The following CTF1 variants were observed in gnomAD, a reference collection of about 807,000 sequenced individuals.
CTF1 encodes cardiotrophin-1.
Under a neutral mutation model 10.9 loss-of-function variants are expected in CTF1, and 9 were observed. That is an observed-to-expected ratio of 0.83 (90% CI 0.50 to 1.44). The LOEUF (loss-of-function observed/expected upper bound fraction) is 1.44, where lower values mean the gene tolerates loss of function less well. Among genes scored for constraint, CTF1 ranks in the 40% most tolerant of loss-of-function variants. The probability of loss-of-function intolerance (pLI) is 0.00; values close to 1 mark genes in which losing one functional copy is unlikely to be tolerated. For synonymous variants in CTF1, 133 were observed against 138.8 expected, an observed-to-expected ratio of 0.96 and a Z score of 0.29; for missense variants, 259 against 275.3, an observed-to-expected ratio of 0.94 and a Z score of 0.42.
chr16:30,902,672 T>C lies in CTF1; in HGVS notation c.*133T>C. ...TCTCCATTGCCTCGGCCTTCTTTGC[T>C]TTTTGTGGGGGAGAGGGGAGGGGAC... On this transcript the variant is annotated 3_prime_UTR_variant, in exon 3 of 3. Transcript: ENST00000279804. 1 of 1,280,044 alleles carries C rather than the reference T, an allele frequency of 7.8e-7. No homozygotes were observed. Among genetic ancestry groups the C allele is most frequent in the Non-Finnish European group, 1.0e-6 (1 of 1,000,010 alleles). The allele number at this position is 1,280,044 out of a possible 1,614,324, so 79.3% of individuals were successfully genotyped here.
chr16:30,896,632 C>T lies in CTF1; in HGVS notation c.-12C>T. ...GGGGCGTGAAGGGAGCCGGGATCAG[C>T]CAGGGGCCAGCATGAGCCGGAGGGA... On this transcript the variant is annotated 5_prime_UTR_variant, in exon 1 of 3. Coordinates refer to ENST00000279804, the MANE Select transcript of CTF1 (RefSeq NM_001330.5). 2 of 1,252,914 alleles carry T rather than the reference C, an allele frequency of 1.6e-6. No homozygotes were observed. Among genetic ancestry groups the T allele is most frequent in the Non-Finnish European group, 2.0e-6 (2 of 990,174 alleles). 77.6% of individuals were successfully genotyped at this position (1,252,914 alleles called of 1,614,324 possible). A position where few individuals can be genotyped will look rare whatever the true frequency, so the allele number is the denominator to read the frequency against.
chr16:30,902,006 T>A, intron 2 of CTF1, 72 bp from the exon 3 acceptor site: 1 of 1,298,330 alleles, frequency 7.7e-7, no homozygotes, highest in Non-Finnish European at 9.9e-7. Context: ...AGAGAGCGGG[T>A]TGGAGAGCCC....
chr16:30,897,478 A>C (rs1326219756), intron 1 of CTF1, among the ~76,000 whole-genome samples: 1 of 152,206 alleles, frequency 6.6e-6, no homozygotes, highest in Non-Finnish European at 1.5e-5. Flanking sequence ...AGCCGTTAAA[A>C]GAGCTACCCT....
At position 30,902,812 on chromosome 16, in the gene CTF1, A is replaced by G; in HGVS notation, c.*273A>G. ...CTCAGCTTCCCCAGCAGCTGGGACTACAGGCACGCGCCACCACAGCCGGCT... is the reference window on the plus strand; with the variant it reads ...CTCAGCTTCCCCAGCAGCTGGGACTGCAGGCACGCGCCACCACAGCCGGCT... On this transcript the variant is annotated 3_prime_UTR_variant, in exon 3 of 3. Transcript: ENST00000279804. The G allele has an allele frequency of 3.1e-6, 1 of 325,502 alleles. No individual in the cohort carries two copies. Among genetic ancestry groups the G allele is most frequent in the Non-Finnish European group, 5.5e-6 (1 of 181,004 alleles). 20.2% of individuals were successfully genotyped at this position (325,502 alleles called of 1,614,324 possible).
Position 30,902,107 on chromosome 16 carries a change from G to A in CTF1, c.174G>A (p.Leu58=), listed in dbSNP as rs1269652445. The A allele has an allele frequency of 1.0e-4, 147 of 1,418,856 alleles. No homozygotes were observed. The highest frequency in any genetic ancestry group is 1.3e-4 in the Non-Finnish European group (144 of 1,083,272). The allele number at this position is 1,418,856 out of a possible 1,614,324, so 87.9% of individuals were successfully genotyped here. A position where few individuals can be genotyped will look rare whatever the true frequency, so the allele number is the denominator to read the frequency against. Residue 58 remains leucine (L), a synonymous_variant, in exon 3 of 3, where the codon CTG becomes CTA. Coordinates refer to ENST00000279804, the MANE Select transcript of CTF1 (RefSeq NM_001330.5). ...AGCTCCAGGGAGACCCCTTCGGGCTGCCCAGCTTCTCGCCGCCGCGGCTGC... is the reference window on the plus strand; with the variant it reads ...AGCTCCAGGGAGACCCCTTCGGGCTACCCAGCTTCTCGCCGCCGCGGCTGC... The part of the protein sequence containing the change: ...YVQLQGDPFG[L]PSFSPPRLPV...
intron 2 of CTF1, 32 bp downstream of exon 2, chr16:30,899,565 G>GC: frequency 6.5e-6 from 6 of 919,094 alleles, no homozygotes; most frequent in Non-Finnish European, 6.9e-6. Flanking sequence ...GGTGCCGGGG[G>GC]CCTGGGGAAT....
intron 1 of CTF1, among the ~76,000 whole-genome samples, chr16:30,897,758 G>A (rs2055366484): frequency 6.6e-6 from 1 of 152,138 alleles, no homozygotes; most frequent in African/African-American, 2.4e-5. Context: ...AGGAGACCCA[G>A]GCGGGAGGAT....
Position 30,902,425 on chromosome 16 carries a change from CA to C in CTF1, c.493del (p.Thr165ProfsTer21). The C allele has an allele frequency of 7.1e-7, 1 of 1,400,752 alleles. No homozygotes were observed. The highest frequency in any genetic ancestry group is 1.5e-5 in the South Asian group (1 of 68,756). 86.8% of individuals were successfully genotyped at this position (1,400,752 alleles called of 1,614,324 possible). A position where few individuals can be genotyped will look rare whatever the true frequency, so the allele number is the denominator to read the frequency against. On this transcript the variant is annotated frameshift_variant, in exon 3 of 3. Coordinates refer to ENST00000279804, the MANE Select transcript of CTF1 (RefSeq NM_001330.5). LOFTEE classifies it high-confidence loss of function. ...CCGCCACCGCCTCAGCCGCCTCCGC[CA>C]CCGGGGTCTTCCCCGCCAAGGTGCT... ...PAATASAASA[T>X]GVFPAKVLGL... is the part of the protein sequence containing the mutation.
rs1016566093 is a variant in CTF1, at chr16:30,899,589, A to G, written c.144+56A>G. ...GGCCTGGGGAATGGGAGCAGACATC[A>G]CAGAGGTCCTCGATCACCCATTCTC... On this transcript the variant is annotated intron_variant, in intron 2 of 2. Transcript: ENST00000279804. The G allele has an allele frequency of 3.9e-6, 4 of 1,016,288 alleles. No individual in the cohort carries two copies. In the Admixed American group the frequency reaches 5.9e-5, roughly 15 times the overall value. 63.0% of individuals were successfully genotyped at this position (1,016,288 alleles called of 1,614,324 possible). A position where few individuals can be genotyped will look rare whatever the true frequency, so the allele number is the denominator to read the frequency against.
chr16:30,897,370 A>G (rs2055362148), intron 1 of CTF1, among the ~76,000 whole-genome samples: 2 of 152,250 alleles, frequency 1.3e-5, no homozygotes, highest in East Asian at 1.9e-4. Context: ...GAAGTTCTGT[A>G]CTTCGATGAT....
Position 30,902,126 on chromosome 16 carries a change from C to T in CTF1, c.193C>T (p.Arg65Trp). 5 of 1,412,128 alleles carry T rather than the reference C, an allele frequency of 3.5e-6. No individual in the cohort carries two copies. The highest frequency in any genetic ancestry group is 4.6e-6 in the Non-Finnish European group (5 of 1,079,510). 87.5% of individuals were successfully genotyped at this position (1,412,128 alleles called of 1,614,324 possible). A position where few individuals can be genotyped will look rare whatever the true frequency, so the allele number is the denominator to read the frequency against. The change falls in exon 3 of 3, where the codon CGG (arginine) becomes TGG (tryptophan). Residue 65 changes from arginine to tryptophan, a missense_variant. Coordinates refer to ENST00000279804, the MANE Select transcript of CTF1 (RefSeq NM_001330.5). ...PFGLPSFSPP[R>W]LPVAGLSAPA... is the part of the protein sequence containing the mutation. ...CGGGCTGCCCAGCTTCTCGCCGCCG[C>T]GGCTGCCGGTGGCCGGCCTGAGCGC...
intron 2 of CTF1, among the ~76,000 whole-genome samples, chr16:30,901,224 G>A (rs1378017837): frequency 6.6e-6 from 1 of 152,106 alleles, no homozygotes; most frequent in Non-Finnish European, 1.5e-5. Context: ...TCATTCATAT[G>A]ATGTTGATTC....
intron 2 of CTF1, 68 bp downstream of exon 2, chr16:30,899,601 G>A (rs905872726): frequency 1.1e-4 from 100 of 923,746 alleles, no homozygotes; most frequent in African/African-American, 4.1e-4. Context: ...AGAGGTCCTC[G>A]ATCACCCATT....
At chr16:30,902,044 G>A in intron 2 of CTF1, 34 bp from the exon 3 acceptor site, 1 of 1,433,646 alleles carries the variant, frequency 7.0e-7, no homozygotes, top group Non-Finnish European at 9.2e-7. Flanking sequence ...CCGTGCTCCG[G>A]GGCCCCGCTG....
At chr16:30,899,656 G>A (rs866844984) in intron 2 of CTF1, 123 bp downstream of exon 2, 2 of 658,820 alleles carry the variant, frequency 3.0e-6, no homozygotes, top group South Asian at 1.9e-5. Context: ...GCTCCTGAGA[G>A]GGACAGCAAC....
In CTF1 at chr16:30,902,582, G is replaced by T. The variant is rs1259362467; in HGVS notation, c.*43G>T. ...GCCCCGCCTCCTCCCGCTGGGTTCC[G>T]TCTCTCCTTCCGCTTCTTTGTCTTT... On this transcript the variant is annotated 3_prime_UTR_variant, in exon 3 of 3. Transcript: ENST00000279804. 3 of 1,481,040 alleles carry T rather than the reference G, an allele frequency of 2.0e-6. No individual in the cohort carries two copies. The highest frequency in any genetic ancestry group is 2.8e-5 in the East Asian group (1 of 35,804). The allele number at this position is 1,481,040 out of a possible 1,614,324, so 91.7% of individuals were successfully genotyped here.
At position 30,902,402 on chromosome 16, in the gene CTF1, G is replaced by A. The variant is rs876657768; in HGVS notation, c.469G>A (p.Ala157Thr). Reference sequence around the variant, plus strand: ...CGGGCCCCGGGCCGAGCCCCCCGCCGCCACCGCCTCAGCCGCCTCCGCCAC... The same window carrying A: ...CGGGCCCCGGGCCGAGCCCCCCGCCACCACCGCCTCAGCCGCCTCCGCCAC... Reference protein sequence around the residue: ...NRGPRAEPPAATASAASATGV... With the variant: ...NRGPRAEPPATTASAASATGV... Residue 157 changes from alanine (A) to threonine (T), a missense_variant, in exon 3 of 3, where the codon GCC (alanine) becomes ACC (threonine). Physicochemically the swap from Ala to Thr is moderately conservative, Grantham distance 58. Transcript: ENST00000279804. 1.1e-5 allele frequency: 14 copies of A among 1,273,876 alleles called. No homozygotes were observed. Among genetic ancestry groups the A allele is most frequent in the Middle Eastern group, 6.0e-4 (2 of 3,334 alleles). 78.9% of individuals were successfully genotyped at this position (1,273,876 alleles called of 1,614,324 possible).
Position 30,902,831 on chromosome 16 carries a change from G to C in CTF1, c.*292G>C. On this transcript the variant is annotated 3_prime_UTR_variant, in exon 3 of 3. Transcript: ENST00000279804. Reference sequence around the variant, plus strand: ...GGGACTACAGGCACGCGCCACCACAGCCGGCTAATTTTTTATTTAATTTTT... The same window carrying C: ...GGGACTACAGGCACGCGCCACCACACCCGGCTAATTTTTTATTTAATTTTT... 1 of 278,830 alleles carries C rather than the reference G, an allele frequency of 3.6e-6. No individual in the cohort carries two copies. Among genetic ancestry groups the C allele is most frequent in the Non-Finnish European group, 6.7e-6 (1 of 149,680 alleles). The allele number at this position is 278,830 out of a possible 1,614,324, so 17.3% of individuals were successfully genotyped here. A position where few individuals can be genotyped will look rare whatever the true frequency, so the allele number is the denominator to read the frequency against.
At chr16:30,900,356 A>C (rs1218700142) in intron 2 of CTF1, among the ~76,000 whole-genome samples, 2 of 152,238 alleles carry the variant, frequency 1.3e-5, no homozygotes, top group Admixed American at 1.3e-4. Context: ...ATAGCTTTGA[A>C]TCAGACTGCA....
Sources: allele counts gnomAD v4.1 joint callset (sites outside exome capture counted in the v4.1 genomes callset), GRCh38; gene constraint gnomAD v4.1.1; transcripts MANE v1.5; gene names NCBI Gene and HGNC (gene_info 2026-07-23, HGNC 2026-07-21).